The following BCR variants were observed in gnomAD, a reference collection of about 807,000 sequenced individuals.
BCR encodes breakpoint cluster region protein.
Under a neutral mutation model 138.6 loss-of-function variants are expected in BCR, and 58 were observed. The ratio of observed to expected loss-of-function variants is 0.42; its 90% CI spans 0.34 to 0.52. BCR has a LOEUF of 0.52. BCR is among the 20% of genes least tolerant of loss of function. The probability of loss-of-function intolerance (pLI) is 0.06; values close to 1 mark genes in which losing one functional copy is unlikely to be tolerated. For missense variants in BCR, 1,599 were observed against 1,727.2 expected, an observed-to-expected ratio of 0.93 and a Z score of 1.32; for synonymous variants, 786 against 730.1, an observed-to-expected ratio of 1.08 and a Z score of -1.23.
chr22:23,302,917 G>A (rs2073918129), intron 16 of BCR: 1 of 152,160 alleles, frequency 6.6e-6, no homozygotes, highest in South Asian at 2.1e-4. Flanking sequence ...GAGCCAGATA[G>A]TGCCTGCTCC....
intron 22 of BCR, 72 bp downstream of exon 22, chr22:23,314,786 G>T: frequency 6.4e-7 from 1 of 1,558,880 alleles, no homozygotes; most frequent in Non-Finnish European, 8.8e-7. Context: ...CCCACCCCCA[G>T]TCCTGCCCAT....
chr22:23,291,609 T>C (rs1040642302), intron 14 of BCR, among the ~76,000 whole-genome samples: 6 of 152,026 alleles, frequency 3.9e-5, no homozygotes, highest in Admixed American at 2.6e-4. Flanking sequence ...CGGGCTTGTC[T>C]CTCCTTGCCT....
At chr22:23,212,568 G>A (rs2072698231) in intron 1 of BCR, among the ~76,000 whole-genome samples, 2 of 152,252 alleles carry the variant, frequency 1.3e-5, no homozygotes, top group African/African-American at 4.8e-5. Flanking sequence ...GCCTGGGGCA[G>A]CCTCCTCTGT....
chr22:23,242,738 T>C (rs2073107896), intron 1 of BCR: 6 of 378,718 alleles, frequency 1.6e-5, no homozygotes, highest in South Asian at 1.2e-4. Flanking sequence ...GTTCAGGCCA[T>C]GTCTTAGTGT....
chr22:23,180,565 C>CGAGGAGGCG lies in BCR; in HGVS notation c.-394_-386dup, dbSNP rs1569232107. The CGAGGAGGCG allele has an allele frequency of 1.1e-5, 1 of 87,488 alleles. No homozygotes were observed. The highest frequency in any genetic ancestry group is 2.6e-4 in the East Asian group (1 of 3,780). The allele number at this position is 87,488 out of a possible 1,614,324, so 5.4% of individuals were successfully genotyped here. ...GAGCCGGCTGGCTGAGCTTAGCGTC[C>CGAGGAGGCG]GAGGAGGCGGCGGCGGCGGCGGCGG... On this transcript the variant is annotated 5_prime_UTR_variant, in exon 1 of 23. Coordinates refer to ENST00000305877, the MANE Select transcript of BCR (RefSeq NM_004327.4).
intron 1 of BCR, among the ~76,000 whole-genome samples, chr22:23,184,181 T>C (rs1016734369): frequency 6.6e-6 from 1 of 152,204 alleles, no homozygotes; most frequent in Non-Finnish European, 1.5e-5. Flanking sequence ...CTCAAAACTC[T>C]TGGGCTCAGG....
At chr22:23,191,942 C>A (rs144387242) in intron 1 of BCR, among the ~76,000 whole-genome samples, 3 of 152,340 alleles carry the variant, frequency 2.0e-5, no homozygotes, top group African/African-American at 7.2e-5. Flanking sequence ...CCTTAGAGAA[C>A]TTCCCGAATC....
chr22:23,283,871 A>C, intron 8 of BCR, 106 bp from the exon 9 acceptor site: 2 of 1,393,436 alleles, frequency 1.4e-6, no homozygotes, highest in Non-Finnish European at 1.9e-6. Flanking sequence ...CTTCCCAGGG[A>C]GAGAATGTCT....
intron 1 of BCR, among the ~76,000 whole-genome samples, chr22:23,232,555 C>T (rs2072971104): frequency 6.6e-6 from 1 of 152,178 alleles, no homozygotes. Context: ...CTTTACCTGA[C>T]CAGCATCTTG....
chr22:23,216,156 C>T (rs1327059955), intron 1 of BCR, among the ~76,000 whole-genome samples: 2 of 152,106 alleles, frequency 1.3e-5, no homozygotes, highest in Non-Finnish European at 2.9e-5. Flanking sequence ...GCAACACCAC[C>T]GATTTTTGTG....
intron 1 of BCR, among the ~76,000 whole-genome samples, chr22:23,235,083 C>T (rs571099407): frequency 6.9e-6 from 1 of 143,914 alleles, no homozygotes; most frequent in African/African-American, 2.4e-5. Flanking sequence ...GGGTCTTCTC[C>T]AGGTTCTGTG....
chr22:23,290,269 CAG>C lies in BCR; in HGVS notation c.2708-67_2708-66del, dbSNP rs1390536142. 8.1e-6 allele frequency: 12 copies of C among 1,475,252 alleles called. No homozygotes were observed. In the South Asian group the frequency reaches 9.1e-5, roughly 11 times the overall value. 91.4% of individuals were successfully genotyped at this position (1,475,252 alleles called of 1,614,324 possible). On this transcript the variant is annotated intron_variant, in intron 13 of 22. Transcript: ENST00000305877. ...GTCCACCGGATGGTTGATTTTGAAGCAGAGTTAGCTTGTCACCTGCCTCCCTT... is the reference window on the plus strand; with the variant it reads ...GTCCACCGGATGGTTGATTTTGAAGCAGTTAGCTTGTCACCTGCCTCCCTT...
rs537539098 is a variant in BCR at position 23,287,981 on chromosome 22, A to G, written c.2527-116A>G. Reference sequence around the variant, plus strand: ...TGCCAGGCCGTGAGCACACCTGGCCACTGGGCTCCAGCCGGCTGGAGATAC... The same window carrying G: ...TGCCAGGCCGTGAGCACACCTGGCCGCTGGGCTCCAGCCGGCTGGAGATAC... On this transcript the variant is annotated intron_variant, in intron 11 of 22. Coordinates refer to ENST00000305877, the MANE Select transcript of BCR (RefSeq NM_004327.4). The G allele has an allele frequency of 2.8e-5, 27 of 972,908 alleles. No individual in the cohort carries two copies. The East Asian group carries it at 2.9e-4, about 11-fold the overall frequency. The allele number at this position is 972,908 out of a possible 1,614,324, so 60.3% of individuals were successfully genotyped here. A position where few individuals can be genotyped will look rare whatever the true frequency, so the allele number is the denominator to read the frequency against.
At chr22:23,232,987 G>A (rs924409488) in intron 1 of BCR, among the ~76,000 whole-genome samples, 1 of 152,212 alleles carries the variant, frequency 6.6e-6, no homozygotes, top group Non-Finnish European at 1.5e-5. Flanking sequence ...ATCGCATTGA[G>A]GGAAGAAAAG....
At chr22:23,283,809 A>C in intron 8 of BCR, 168 bp from the exon 9 acceptor site, 1 of 889,694 alleles carries the variant, frequency 1.1e-6, no homozygotes, top group Non-Finnish European at 1.6e-6. Context: ...AGTGAGATGA[A>C]CAAAACGTTC....
At chr22:23,191,695 C>T (rs949775358) in intron 1 of BCR, among the ~76,000 whole-genome samples, 2 of 152,106 alleles carry the variant, frequency 1.3e-5, no homozygotes, top group Non-Finnish European at 2.9e-5. Flanking sequence ...GTCTGTGTCT[C>T]GGGCCCCGTG....
At position 23,273,133 on chromosome 22, in the gene BCR, T is replaced by C. The variant is rs764748754; in HGVS notation, c.1974T>C (p.His658=). The C allele has an allele frequency of 3.7e-6, 6 of 1,613,136 alleles. No homozygotes were observed. Among genetic ancestry groups the C allele is most frequent in the South Asian group, 3.3e-5 (3 of 91,066 alleles). The change falls in exon 7 of 23, where the codon CAT becomes CAC. Residue 658 remains histidine, a splice_region_variant and synonymous_variant. Coordinates refer to ENST00000305877, the MANE Select transcript of BCR (RefSeq NM_004327.4). The part of the protein sequence containing the change: ...DRVTRSTLVL[H]DLLKHTPASH... ...TGACGAGGAGCACGCTGGTCCTCCATGTAAGTCACAGCGCCCCTCTGGACC... is the reference window on the plus strand; with the variant it reads ...TGACGAGGAGCACGCTGGTCCTCCACGTAAGTCACAGCGCCCCTCTGGACC...
At chr22:23,235,350 G>C (rs2073011568) in intron 1 of BCR, among the ~76,000 whole-genome samples, 2 of 144,740 alleles carry the variant, frequency 1.4e-5, no homozygotes, top group Admixed American at 6.9e-5. Flanking sequence ...AAAGTGCTGA[G>C]ATTACTAGTG....
intron 1 of BCR, among the ~76,000 whole-genome samples, chr22:23,188,934 T>G: frequency 6.6e-6 from 1 of 152,222 alleles, no homozygotes; most frequent in East Asian, 1.9e-4. Flanking sequence ...TGGCACGATC[T>G]AGGCTCACTA....
Sources: allele counts gnomAD v4.1 joint callset (sites outside exome capture counted in the v4.1 genomes callset), GRCh38; gene constraint gnomAD v4.1.1; transcripts MANE v1.5; gene names NCBI Gene and HGNC (gene_info 2026-07-23, HGNC 2026-07-21).